Variants in RAD23B observed in about 807,000 individuals in gnomAD.
RAD23B encodes the protein RAD23 nucleotide excision repair protein B.
RAD23B carries 5 observed loss-of-function variants against 49.1 expected under a neutral mutation model. The observed-to-expected ratio is 0.10, with a 90% CI of 0.05 to 0.21. RAD23B has a LOEUF of 0.21. RAD23B is among the 10% of genes least tolerant of loss of function. The pLI is 1.00. For synonymous variants in RAD23B, 184 were observed against 165.4 expected (o/e 1.11, Z -0.86); for missense variants, 356 against 486.7 (o/e 0.73, Z 2.53).
intron 2 of RAD23B, among the ~76,000 whole-genome samples, chr9:107,301,339 A>C (rs1826647932): frequency 6.6e-6 from 1 of 152,172 alleles, no homozygotes; most frequent in African/African-American, 2.4e-5. Context: ...ATCATAAAAG[A>C]ATATAGGTTA....
chr9:107,300,004 G>A (rs1587851364), intron 1 of RAD23B, 137 bp from the exon 2 acceptor site: 3 of 1,127,614 alleles, frequency 2.7e-6, no homozygotes, highest in East Asian at 5.8e-5. Flanking sequence ...GATATAAATT[G>A]GAAAAACATA....
rs1240437417 is a variant in RAD23B, at chr9:107,284,752, A to G, written c.66+1057A>G. On this transcript the variant is annotated intron_variant, in intron 1 of 9. Coordinates refer to ENST00000358015, the MANE Select transcript of RAD23B (RefSeq NM_002874.5). ...CCAACTCTATTTTTAAAAGTAGTTG[A>G]TTCTATTTTGGGTGGAGATCAGGGG... The G allele has an allele frequency of 5.4e-6, 6 of 1,108,446 alleles. No individual in the cohort carries two copies. In the South Asian group the frequency reaches 9.1e-5, roughly 17 times the overall value. The allele number at this position is 1,108,446 out of a possible 1,614,324, so 68.7% of individuals were successfully genotyped here.
intron 3 of RAD23B, among the ~76,000 whole-genome samples, chr9:107,305,884 A>G (rs1826751701): frequency 3.3e-5 from 5 of 151,714 alleles, no homozygotes; most frequent in Admixed American, 2.6e-4. Flanking sequence ...CCGTGGTGGG[A>G]GGATTGCTTC....
rs143916694 is a variant in RAD23B at position 107,306,170 on chromosome 9, T to G, written c.229-209T>G. 6.3e-3 allele frequency among the ~76,000 whole-genome samples: 943 copies of G among 150,546 alleles called. 7 individuals carry two copies. Among genetic ancestry groups the G allele is most frequent in the African/African-American group, 0.022 (901 of 40,910 alleles). Reference sequence around the variant, plus strand: ...AATTAATTGTGGTTGATAGTTAAGATTAACATACGCTGTCATGAGCTTTGA... The same window carrying G: ...AATTAATTGTGGTTGATAGTTAAGAGTAACATACGCTGTCATGAGCTTTGA... On this transcript the variant is annotated intron_variant, in intron 3 of 9. Transcript: ENST00000358015.
chr9:107,283,785 G>T, intron 1 of RAD23B, 90 bp downstream of exon 1: 1 of 1,204,946 alleles, frequency 8.3e-7, no homozygotes, highest in Non-Finnish European at 1.1e-6. Context: ...GCTCCAGCGG[G>T]GGAAGCCCCG....
chr9:107,328,474 G>T (rs1403602001), intron 9 of RAD23B, among the ~76,000 whole-genome samples: 7 of 152,102 alleles, frequency 4.6e-5, no homozygotes, highest in African/African-American at 1.7e-4. Context: ...CATTTGTTAG[G>T]CTATCATACG....
intron 9 of RAD23B, among the ~76,000 whole-genome samples, chr9:107,325,313 CAAAAAAAA>C (rs34042765): frequency 5.4e-4 from 33 of 61,384 alleles, no homozygotes; most frequent in African/African-American, 2.0e-3. Flanking sequence ...GACTCTGTCT[CAAAAAAAA>C]AAAAAAAAAA....
intron 2 of RAD23B, among the ~76,000 whole-genome samples, chr9:107,301,711 AT>A (rs112842496): frequency 0.034 from 5,067 of 148,282 alleles, 258 homozygotes; most frequent in African/African-American, 0.11. Context: ...CTAATTTTGA[AT>A]TTTTTTTTTT....
intron 3 of RAD23B, among the ~76,000 whole-genome samples, chr9:107,305,878 G>T (rs1245393998): frequency 6.6e-6 from 1 of 151,686 alleles, no homozygotes; most frequent in African/African-American, 2.4e-5. Context: ...GGGAGCCCGT[G>T]GTGGGAGGAT....
intron 9 of RAD23B, among the ~76,000 whole-genome samples, chr9:107,327,811 A>T (rs1827239004): frequency 6.6e-6 from 1 of 152,068 alleles, no homozygotes; most frequent in South Asian, 2.1e-4. Flanking sequence ...TTGAAGGTGG[A>T]GCTGTAGTTG....
intron 1 of RAD23B, among the ~76,000 whole-genome samples, chr9:107,292,938 T>TA (rs1197847492): frequency 6.6e-6 from 1 of 152,180 alleles, no homozygotes; most frequent in Non-Finnish European, 1.5e-5. Context: ...AGTAAACACT[T>TA]ACTATTTCAT....
At chr9:107,284,995 TTTACTTATCTCA>T in intron 1 of RAD23B, 1 of 1,267,898 alleles carries the variant, frequency 7.9e-7, no homozygotes, top group Non-Finnish European at 1.0e-6. Context: ...AGTGTTACGT[TTTACTTATCTCA>T]TTTAATCTTA....
At chr9:107,328,333 A>G (rs1166152459) in intron 9 of RAD23B, among the ~76,000 whole-genome samples, 1 of 152,080 alleles carries the variant, frequency 6.6e-6, no homozygotes, top group African/African-American at 2.4e-5. Context: ...TTTTCTACCA[A>G]CATAGGTGGG....
At chr9:107,300,505 T>A (rs1015761908) in intron 2 of RAD23B, among the ~76,000 whole-genome samples, 3 of 152,058 alleles carry the variant, frequency 2.0e-5, no homozygotes, top group Non-Finnish European at 2.9e-5. Context: ...CTTTTTTTTT[T>A]AAATTGAATT....
At chr9:107,292,756 A>G (rs1833408797) in intron 1 of RAD23B, among the ~76,000 whole-genome samples, 1 of 151,210 alleles carries the variant, frequency 6.6e-6, no homozygotes, top group Non-Finnish European at 1.5e-5. Flanking sequence ...ACCATCTCCC[A>G]TATGAGTAGC....
At chr9:107,284,250 A>G in intron 1 of RAD23B, 1 of 982,972 alleles carries the variant, frequency 1.0e-6, no homozygotes, top group Non-Finnish European at 1.2e-6. Flanking sequence ...TTTTATTTGC[A>G]AATGAATCGT....
chr9:107,313,476 C>T (rs1245590713), intron 5 of RAD23B, among the ~76,000 whole-genome samples: 1 of 152,216 alleles, frequency 6.6e-6, no homozygotes, highest in African/African-American at 2.4e-5. Context: ...CTGCCCGCCT[C>T]GGCCTCCAAA....
In RAD23B at chr9:107,300,084, T is replaced by C. The variant is rs577764641; in HGVS notation, c.67-57T>C. 4 of 1,571,374 alleles carry C rather than the reference T, an allele frequency of 2.5e-6. No individual in the cohort carries two copies. In the African/African-American group the frequency reaches 5.5e-5, roughly 22 times the overall value. On this transcript the variant is annotated intron_variant, in intron 1 of 9. Coordinates refer to ENST00000358015, the MANE Select transcript of RAD23B (RefSeq NM_002874.5). The stretch of plus-strand genomic sequence containing the variant: ...TGTCTTCCATTATTTATTCAGATTC[T>C]GGATTGTCATTTTTTATTTAGACTT...
intron 7 of RAD23B, among the ~76,000 whole-genome samples, chr9:107,323,358 G>A (rs1476415822): frequency 6.6e-6 from 1 of 152,080 alleles, no homozygotes; most frequent in Non-Finnish European, 1.5e-5. Flanking sequence ...TGTAAGTTTG[G>A]ATTAAAGTTT....
Sources: gnomAD v4.1 joint callset for allele counts (sites outside exome capture counted in the v4.1 genomes callset) on GRCh38, gnomAD v4.1.1 for gene constraint, MANE v1.5 for transcripts, NCBI Gene and HGNC (gene_info 2026-07-23, HGNC 2026-07-21) for gene names.